Variants in LRRIQ1 observed in about 807,000 individuals in gnomAD.
The protein encoded by LRRIQ1 is leucine-rich repeat- and IQ domain-containing protein 1.
In LRRIQ1, 210 loss-of-function variants were observed where a neutral mutation model predicts 211.9. The observed-to-expected ratio is 0.99, with a 90% CI of 0.89 to 1.11. The LOEUF (loss-of-function observed/expected upper bound fraction) is 1.11, where lower values mean the gene tolerates loss of function less well. Among genes scored for constraint, LRRIQ1 ranks in the 50% most tolerant of loss-of-function variants. LRRIQ1 has a pLI of 0.00. For synonymous variants in LRRIQ1, 699 were observed against 650.1 expected (o/e 1.08, Z -1.14); for missense variants, 2,136 against 1,939.5 (o/e 1.10, Z -1.90).
At chr12:85,175,264 T>A (rs982692930) in intron 24 of LRRIQ1, among the ~76,000 whole-genome samples, 2 of 152,006 alleles carry the variant, frequency 1.3e-5, no homozygotes, top group Admixed American at 1.3e-4. Context: ...ATGATGATAG[T>A]GAAAAGAGAT....
intron 24 of LRRIQ1, among the ~76,000 whole-genome samples, chr12:85,185,655 A>T (rs950012753): frequency 1.3e-5 from 2 of 151,996 alleles, no homozygotes; most frequent in Non-Finnish European, 2.9e-5. Flanking sequence ...GTTTCTAGCA[A>T]AGTGGTGGTA....
chr12:85,137,076 G>A (rs569605080), intron 18 of LRRIQ1, among the ~76,000 whole-genome samples: 4 of 151,080 alleles, frequency 2.6e-5, no homozygotes, highest in Non-Finnish European at 4.4e-5. Flanking sequence ...TTTATAATTC[G>A]AGCTTTTTAA....
chr12:85,100,116 C>T (rs982651507), intron 13 of LRRIQ1, among the ~76,000 whole-genome samples: 12 of 151,580 alleles, frequency 7.9e-5, no homozygotes, highest in African/African-American at 2.4e-4. Flanking sequence ...TGGACATACG[C>T]AGTAAGTCAC....
chr12:85,262,068 G>A (rs1378810861), intron 1 of LRRIQ1, among the ~76,000 whole-genome samples: 14 of 152,136 alleles, frequency 9.2e-5, no homozygotes, highest in Non-Finnish European at 1.8e-4. Flanking sequence ...GATTACAGGC[G>A]TAAGCCACTG....
intron 19 of LRRIQ1, among the ~76,000 whole-genome samples, chr12:85,148,994 G>A (rs555705999): frequency 1.3e-5 from 2 of 151,876 alleles, no homozygotes; most frequent in African/African-American, 4.8e-5. Flanking sequence ...TTTTGATGGG[G>A]TTATTTGTTT....
chr12:85,199,355 T>C (rs149118831), intron 24 of LRRIQ1, among the ~76,000 whole-genome samples: 1 of 152,254 alleles, frequency 6.6e-6, no homozygotes, highest in African/African-American at 2.4e-5. Flanking sequence ...CCAGCGCTTT[T>C]TATTGAATAG....
intron 11 of LRRIQ1, among the ~76,000 whole-genome samples, chr12:85,080,655 T>G (rs1884184171): frequency 1.3e-5 from 2 of 151,258 alleles, no homozygotes; most frequent in Admixed American, 1.3e-4. Context: ...AGTTTTTGGT[T>G]TTAGAATTTT....
At chr12:85,036,722 CTTTCTT>C (rs974349349) in intron 1 of LRRIQ1, among the ~76,000 whole-genome samples, 20 of 151,608 alleles carry the variant, frequency 1.3e-4, no homozygotes, top group African/African-American at 3.9e-4. Flanking sequence ...CCTTTCCACC[CTTTCTT>C]TTTCTGTCTC....
At chr12:85,239,354 T>TACACACACACAC (rs1491190469) in intron 26 of LRRIQ1, among the ~76,000 whole-genome samples, 6 of 86,480 alleles carry the variant, frequency 6.9e-5, no homozygotes, top group African/African-American at 3.6e-4. Flanking sequence ...GAAACTGTTT[T>TACACACACACAC]ATACACACAC....
intron 24 of LRRIQ1, among the ~76,000 whole-genome samples, chr12:85,180,299 T>G (rs1345786934): frequency 6.6e-6 from 1 of 151,990 alleles, no homozygotes; most frequent in Non-Finnish European, 1.5e-5. Flanking sequence ...GAAACATTTT[T>G]CTGAAAGAAT....
At chr12:85,111,100 A>G (rs1887140886) in intron 15 of LRRIQ1, among the ~76,000 whole-genome samples, 1 of 152,150 alleles carries the variant, frequency 6.6e-6, no homozygotes, top group Non-Finnish European at 1.5e-5. Context: ...TTTCTTGTTT[A>G]CATTACATTT....
At chr12:85,073,179 A>G (rs1023631188) in intron 11 of LRRIQ1, 81 bp downstream of exon 11, 5 of 893,748 alleles carry the variant, frequency 5.6e-6, no homozygotes, top group Non-Finnish European at 8.3e-6. Context: ...CTAGGCAGTC[A>G]CCATCATCTC....
At chr12:85,176,665 T>C (rs889849306) in intron 24 of LRRIQ1, among the ~76,000 whole-genome samples, 6 of 150,542 alleles carry the variant, frequency 4.0e-5, no homozygotes, top group African/African-American at 1.2e-4. Flanking sequence ...GTGGGTGCAG[T>C]GCACCAGCAT....
chr12:85,225,731 A>T (rs1255277226), intron 24 of LRRIQ1, among the ~76,000 whole-genome samples: 2 of 152,152 alleles, frequency 1.3e-5, no homozygotes, highest in African/African-American at 4.8e-5. Flanking sequence ...GCTTCTTCTA[A>T]TATTGAAAGG....
intron 3 of LRRIQ1, 48 bp from the exon 4 acceptor site, chr12:85,044,670 G>A (rs374409022): frequency 3.2e-6 from 3 of 949,200 alleles, no homozygotes; most frequent in African/African-American, 3.3e-5. Context: ...TTGAGATGTT[G>A]TATTGTACTC....
intron 15 of LRRIQ1, among the ~76,000 whole-genome samples, chr12:85,119,397 A>G (rs1175321630): frequency 1.3e-5 from 2 of 152,148 alleles, no homozygotes; most frequent in Non-Finnish European, 2.9e-5. Flanking sequence ...ACAGTTTATT[A>G]TCCACTCACC....
intron 24 of LRRIQ1, among the ~76,000 whole-genome samples, chr12:85,223,468 C>T (rs1183207027): frequency 6.6e-6 from 1 of 152,080 alleles, no homozygotes; most frequent in African/African-American, 2.4e-5. Flanking sequence ...GTTAGATAAG[C>T]CAGTTTCAGG....
intron 10 of LRRIQ1, among the ~76,000 whole-genome samples, chr12:85,069,205 C>T (rs2136084294): frequency 6.6e-6 from 1 of 151,338 alleles, no homozygotes; most frequent in East Asian, 2.0e-4. Context: ...GTTTTTCGTC[C>T]TTGTGATAGT....
chr12:85,176,852 A>T (rs1049725618), intron 24 of LRRIQ1, among the ~76,000 whole-genome samples: 1 of 152,090 alleles, frequency 6.6e-6, no homozygotes, highest in Non-Finnish European at 1.5e-5. Flanking sequence ...CTATGCATTA[A>T]ATTACTTATG....
Sources: allele counts gnomAD v4.1 joint callset (sites outside exome capture counted in the v4.1 genomes callset), GRCh38; gene constraint gnomAD v4.1.1; transcripts MANE v1.5; gene names NCBI Gene and HGNC (gene_info 2026-07-23, HGNC 2026-07-21).